Variants in NEGR1 observed in about 807,000 individuals in gnomAD.
NEGR1 encodes IgLON family member 4.
In NEGR1, 10 loss-of-function variants were observed where a neutral mutation model predicts 40.9. That is an observed-to-expected ratio of 0.24 (90% CI 0.15 to 0.42). The LOEUF is 0.42. NEGR1 is among the 10% of genes least tolerant of loss of function. The pLI is 1.00. For missense variants in NEGR1, 352 were observed against 438.9 expected, an observed-to-expected ratio of 0.80 and a Z score of 1.77; for synonymous variants, 185 against 166.8, an observed-to-expected ratio of 1.11 and a Z score of -0.84.
At chr1:72,248,455 G>A (rs796229666) in intron 1 of NEGR1, among the ~76,000 whole-genome samples, 166 of 151,698 alleles carry the variant, frequency 1.1e-3, no homozygotes, top group African/African-American at 3.6e-3. Context: ...ATGGGGTTTC[G>A]CCATGTTGGC....
At position 71,414,622 on chromosome 1, in the gene NEGR1, A is replaced by G. The variant is rs1646343496; in HGVS notation, c.941-7052T>C. On this transcript the variant is annotated intron_variant, in intron 6 of 6. Transcript: ENST00000357731. ...AGATACAGCACAGACATGCTCTATC[A>G]TCTCATGTACCACCTCACATCTGTT... 2.0e-5 allele frequency among the ~76,000 whole-genome samples: 3 copies of G among 152,326 alleles called. No individual in the cohort carries two copies. The South Asian group carries it at 6.2e-4, about 32-fold the overall frequency.
At chr1:71,424,251 C>G (rs1646415637) in intron 6 of NEGR1, among the ~76,000 whole-genome samples, 1 of 152,104 alleles carries the variant, frequency 6.6e-6, no homozygotes. Context: ...TTATCTTCAC[C>G]TACAGGCTCA....
intron 2 of NEGR1, among the ~76,000 whole-genome samples, chr1:71,921,982 C>A (rs946334196): frequency 6.6e-6 from 1 of 151,914 alleles, no homozygotes; most frequent in African/African-American, 2.4e-5. Context: ...TTTTTACATA[C>A]GTGATGAAAG....
intron 1 of NEGR1, among the ~76,000 whole-genome samples, chr1:72,221,735 T>C (rs569671728): frequency 1.1e-3 from 161 of 152,282 alleles, no homozygotes; most frequent in African/African-American, 3.6e-3. Flanking sequence ...GTCTTCTTTA[T>C]TGGATCATTC....
intron 1 of NEGR1, among the ~76,000 whole-genome samples, chr1:72,244,898 G>A (rs965681039): frequency 6.6e-6 from 1 of 151,874 alleles, no homozygotes; most frequent in Non-Finnish European, 1.5e-5. Flanking sequence ...AAGCCTTTTT[G>A]TTCTGAGGAA....
intron 6 of NEGR1, among the ~76,000 whole-genome samples, chr1:71,532,038 T>C (rs1224637771): frequency 6.6e-6 from 1 of 151,492 alleles, no homozygotes; most frequent in East Asian, 2.0e-4. Flanking sequence ...TACCTCTTTA[T>C]GTGTAGGCAG....
intron 1 of NEGR1, among the ~76,000 whole-genome samples, chr1:72,157,786 G>A (rs1651412913): frequency 6.6e-6 from 1 of 152,124 alleles, no homozygotes. Flanking sequence ...TGACATACAG[G>A]TTATCTAATT....
At chr1:71,788,677 A>ATG (rs10691626) in intron 2 of NEGR1, among the ~76,000 whole-genome samples, 6,077 of 149,326 alleles carry the variant, frequency 0.041, 304 homozygotes, top group African/African-American at 0.12. Flanking sequence ...GAATACAAGC[A>ATG]TGTGTGTGTG....
At chr1:71,639,327 A>G (rs1651270110) in intron 4 of NEGR1, among the ~76,000 whole-genome samples, 1 of 152,066 alleles carries the variant, frequency 6.6e-6, no homozygotes, top group Admixed American at 6.6e-5. Flanking sequence ...CAGAATTGCA[A>G]TTACTGAGCA....
At chr1:71,690,018 G>A (rs1653198801) in intron 4 of NEGR1, among the ~76,000 whole-genome samples, 1 of 151,902 alleles carries the variant, frequency 6.6e-6, no homozygotes, top group South Asian at 2.1e-4. Flanking sequence ...CCACAATTTG[G>A]ATGCTTTTGT....
intron 2 of NEGR1, among the ~76,000 whole-genome samples, chr1:71,793,051 C>T (rs4650123): frequency 0.67 from 101,067 of 150,066 alleles, 39,161 homozygotes; most frequent in Non-Finnish European, 0.85. Flanking sequence ...CATAAACCTC[C>T]CAGGAGTGAT....
At chr1:71,968,233 C>T (rs1014701414) in intron 1 of NEGR1, among the ~76,000 whole-genome samples, 5 of 152,036 alleles carry the variant, frequency 3.3e-5, no homozygotes, top group Non-Finnish European at 7.4e-5. Context: ...TCCACTCAAC[C>T]AATGAGAGAC....
intron 1 of NEGR1, among the ~76,000 whole-genome samples, chr1:71,969,117 C>T (rs573166124): frequency 4.7e-4 from 71 of 152,000 alleles, no homozygotes; most frequent in African/African-American, 1.5e-3. Flanking sequence ...CAGGTTCAAG[C>T]GATTCTCCTG....
chr1:71,979,855 G>C (rs924398317), intron 1 of NEGR1, among the ~76,000 whole-genome samples: 3 of 152,208 alleles, frequency 2.0e-5, no homozygotes, highest in African/African-American at 2.4e-5. Context: ...GGTTAAAGTC[G>C]TGTGTAACTT....
At chr1:71,607,852 C>A (rs1312731880) in intron 5 of NEGR1, among the ~76,000 whole-genome samples, 9 of 152,208 alleles carry the variant, frequency 5.9e-5, no homozygotes. Context: ...TGCCACCATG[C>A]CCGGCTAATT....
chr1:71,575,814 C>G (rs1326626580), intron 6 of NEGR1, among the ~76,000 whole-genome samples: 1 of 145,078 alleles, frequency 6.9e-6, no homozygotes, highest in South Asian at 2.2e-4. Flanking sequence ...CAAAACAAAA[C>G]AAAAACAAAA....
chr1:71,694,499 GA>G (rs1653407688), intron 4 of NEGR1, among the ~76,000 whole-genome samples: 1 of 151,568 alleles, frequency 6.6e-6, no homozygotes. Context: ...AACTCAAAAT[GA>G]ACTGATTTAT....
At chr1:71,606,487 T>C (rs1650080171) in intron 5 of NEGR1, among the ~76,000 whole-genome samples, 1 of 152,218 alleles carries the variant, frequency 6.6e-6, no homozygotes, top group South Asian at 2.1e-4. Flanking sequence ...TAGTGCTTAC[T>C]GGTTTTAGTT....
chr1:71,886,989 T>TC (rs749018533), intron 2 of NEGR1, among the ~76,000 whole-genome samples: 17 of 152,098 alleles, frequency 1.1e-4, no homozygotes, highest in East Asian at 5.8e-4. Flanking sequence ...AACTTCTGAC[T>TC]CCCCCAAAAC....
Sources: gnomAD v4.1 joint callset for allele counts (sites outside exome capture counted in the v4.1 genomes callset) on GRCh38, gnomAD v4.1.1 for gene constraint, MANE v1.5 for transcripts, NCBI Gene and HGNC (gene_info 2026-07-23, HGNC 2026-07-21) for gene names.